RCAN1: variants seen among roughly 807,000 people sequenced by gnomAD.
RCAN1 encodes the protein calcipressin-1.
RCAN1 carries 11 observed loss-of-function variants against 22.9 expected under a neutral mutation model. That is an observed-to-expected ratio of 0.48 (90% CI 0.30 to 0.79). The LOEUF is 0.79. RCAN1 is among the 30% of genes least tolerant of loss of function. The probability of loss-of-function intolerance (pLI) is 0.06; values close to 1 mark genes in which losing one functional copy is unlikely to be tolerated. For synonymous variants in RCAN1, 136 were observed against 142.3 expected (o/e 0.96, Z 0.32); for missense variants, 291 against 337.8 (o/e 0.86, Z 1.09).
intron 2 of RCAN1, chr21:34,521,931 A>T: frequency 2.4e-6 from 1 of 420,006 alleles, no homozygotes; most frequent in South Asian, 3.8e-5. Flanking sequence ...ACCTAGATGG[A>T]CAGAAAATCA....
intron 1 of RCAN1, among the ~76,000 whole-genome samples, chr21:34,600,064 G>C (rs551864241): frequency 6.6e-6 from 1 of 152,254 alleles, no homozygotes; most frequent in Admixed American, 6.5e-5. Context: ...TCCAGATCAC[G>C]CTATGCTAAA....
At chr21:34,605,117 C>T (rs1012474166) in intron 1 of RCAN1, among the ~76,000 whole-genome samples, 1 of 152,232 alleles carries the variant, frequency 6.6e-6, no homozygotes, top group African/African-American at 2.4e-5. Flanking sequence ...AGGAGATTAA[C>T]ATTTGAGTCA....
intron 1 of RCAN1, among the ~76,000 whole-genome samples, chr21:34,562,804 G>A (rs1301086712): frequency 6.6e-6 from 1 of 152,152 alleles, no homozygotes; most frequent in African/African-American, 2.4e-5. Flanking sequence ...AAGATTCAAT[G>A]AGATAGGTGT....
intron 1 of RCAN1, among the ~76,000 whole-genome samples, chr21:34,591,245 A>G (rs1210997278): frequency 6.6e-6 from 1 of 152,236 alleles, no homozygotes; most frequent in Non-Finnish European, 1.5e-5. Flanking sequence ...TTCTGATAGG[A>G]AAAGATGGAC....
chr21:34,576,433 T>C (rs934818431), intron 1 of RCAN1, among the ~76,000 whole-genome samples: 12 of 152,218 alleles, frequency 7.9e-5, no homozygotes, highest in African/African-American at 2.7e-4. Flanking sequence ...CCAGGGACAC[T>C]GTCCAACTCG....
At chr21:34,532,503 G>A (rs1007558942) in intron 1 of RCAN1, among the ~76,000 whole-genome samples, 2 of 152,210 alleles carry the variant, frequency 1.3e-5, no homozygotes, top group African/African-American at 2.4e-5. Flanking sequence ...ACCTCCTGAC[G>A]GCTTGAGCCA....
chr21:34,602,200 A>G (rs2268273), intron 1 of RCAN1, among the ~76,000 whole-genome samples: 91,289 of 151,870 alleles, frequency 0.6, 27,918 homozygotes, highest in East Asian at 0.66. Context: ...TTACAGACAC[A>G]AAGCTGAAGA....
At chr21:34,553,483 T>G (rs1229236239) in intron 1 of RCAN1, among the ~76,000 whole-genome samples, 1 of 152,232 alleles carries the variant, frequency 6.6e-6, no homozygotes, top group African/African-American at 2.4e-5. Context: ...TTTTTCTGAC[T>G]AATTCATTCC....
intron 1 of RCAN1, among the ~76,000 whole-genome samples, chr21:34,597,388 A>G (rs533081186): frequency 6.6e-6 from 1 of 152,214 alleles, no homozygotes; most frequent in African/African-American, 2.4e-5. Context: ...GACAGTGCGG[A>G]TACAGGACAC....
chr21:34,539,869 C>T (rs931651365), intron 1 of RCAN1, among the ~76,000 whole-genome samples: 4 of 152,190 alleles, frequency 2.6e-5, no homozygotes, highest in African/African-American at 9.7e-5. Flanking sequence ...CTTTGATTAC[C>T]TCTCCTGCCT....
chr21:34,601,710 T>C (rs567317498), intron 1 of RCAN1, among the ~76,000 whole-genome samples: 57 of 150,218 alleles, frequency 3.8e-4, no homozygotes, highest in South Asian at 1.9e-3. Context: ...CCCAGCTACT[T>C]GGGAGGCTGA....
chr21:34,517,339 A>G lies in RCAN1; in HGVS notation c.*745T>C, dbSNP rs947664668. The G allele has an allele frequency of 6.6e-6, 1 of 152,252 alleles. No individual in the cohort carries two copies. Among genetic ancestry groups the G allele is most frequent in the Admixed American group, 6.5e-5 (1 of 15,288 alleles). 9.4% of individuals were successfully genotyped at this position (152,252 alleles called of 1,614,324 possible). A position where few individuals can be genotyped will look rare whatever the true frequency, so the allele number is the denominator to read the frequency against. On this transcript the variant is annotated 3_prime_UTR_variant, in exon 4 of 4. Coordinates refer to ENST00000313806, the MANE Select transcript of RCAN1 (RefSeq NM_004414.7). Reference sequence around the variant, plus strand: ...GCTAAATTCTACAGAGGAATTTCAGATCAACTTCTTTTGCAAAAGCACAAG... The same window carrying G: ...GCTAAATTCTACAGAGGAATTTCAGGTCAACTTCTTTTGCAAAAGCACAAG...
At chr21:34,550,548 C>T (rs1450804005) in intron 1 of RCAN1, among the ~76,000 whole-genome samples, 1 of 152,168 alleles carries the variant, frequency 6.6e-6, no homozygotes, top group Non-Finnish European at 1.5e-5. Context: ...AGCATGTCAT[C>T]TATGAGCCAA....
At chr21:34,525,197 C>T in intron 1 of RCAN1, 1 of 1,550,598 alleles carries the variant, frequency 6.4e-7, no homozygotes, top group Middle Eastern at 1.7e-4. Flanking sequence ...CGGGGAGGCA[C>T]TGGTGGATGC....
At chr21:34,557,387 C>T (rs1601171776) in intron 1 of RCAN1, among the ~76,000 whole-genome samples, 1 of 152,214 alleles carries the variant, frequency 6.6e-6, no homozygotes, top group South Asian at 2.1e-4. Context: ...CAACGCCCCA[C>T]TGAGGTGTGC....
At chr21:34,586,733 A>G (rs1446804884) in intron 1 of RCAN1, among the ~76,000 whole-genome samples, 1 of 152,220 alleles carries the variant, frequency 6.6e-6, no homozygotes, top group Non-Finnish European at 1.5e-5. Context: ...TGGGTGGATC[A>G]CTTAAGATCA....
intron 1 of RCAN1, among the ~76,000 whole-genome samples, chr21:34,530,616 G>GTTGTTTTTTTTT (rs1985325221): frequency 3.0e-5 from 2 of 66,196 alleles, no homozygotes; most frequent in African/African-American, 1.1e-4. Context: ...TAGTGAAATA[G>GTTGTTTTTTTTT]TTTTTTTTTT....
chr21:34,593,223 A>C (rs1395679064), intron 1 of RCAN1, among the ~76,000 whole-genome samples: 1 of 152,224 alleles, frequency 6.6e-6, no homozygotes, highest in Non-Finnish European at 1.5e-5. Flanking sequence ...GGAACACTAT[A>C]GTGAAGCACC....
Position 34,614,512 on chromosome 21 carries a change from G to T in RCAN1, c.252+248C>A. The T allele has an allele frequency of 9.6e-7, 1 of 1,042,236 alleles. No homozygotes were observed. Among genetic ancestry groups the T allele is most frequent in the African/African-American group, 1.7e-5 (1 of 58,912 alleles). The allele number at this position is 1,042,236 out of a possible 1,614,324, so 64.6% of individuals were successfully genotyped here. A position where few individuals can be genotyped will look rare whatever the true frequency, so the allele number is the denominator to read the frequency against. ...TAGTCGCACCAGCCTGGGCGCACACGGGGGCCGGGGCGAGCCTGTGGGACT... is the reference window on the plus strand; with the variant it reads ...TAGTCGCACCAGCCTGGGCGCACACTGGGGCCGGGGCGAGCCTGTGGGACT... On this transcript the variant is annotated intron_variant, in intron 1 of 3. Coordinates refer to ENST00000313806, the MANE Select transcript of RCAN1 (RefSeq NM_004414.7). The surrounding 1 kb of genome is among the most constrained non-coding windows in gnomAD (Gnocchi z 6.0).
Sources: gnomAD v4.1 joint callset for allele counts (sites outside exome capture counted in the v4.1 genomes callset) on GRCh38, gnomAD v4.1.1 for gene constraint, Gnocchi (gnomAD v3.1) non-coding constraint, MANE v1.5 for transcripts, NCBI Gene and HGNC (gene_info 2026-07-23, HGNC 2026-07-21) for gene names.